The following GPSM1 variants were observed in gnomAD, a reference collection of about 807,000 sequenced individuals.
The protein encoded by GPSM1 is G protein signaling modulator 1.
A neutral mutation model predicts 70.5 loss-of-function variants in GPSM1; 48 were observed. The observed-to-expected ratio is 0.68, with a 90% CI of 0.54 to 0.87. GPSM1 has a LOEUF of 0.87. Ranked by LOEUF, GPSM1 falls within the 40% of genes least tolerant of loss-of-function variation. The pLI is 0.00. For missense variants in GPSM1, 981 were observed against 972.6 expected, an observed-to-expected ratio of 1.01 and a Z score of -0.11; for synonymous variants, 416 against 430.1, an observed-to-expected ratio of 0.97 and a Z score of 0.41.
intron 13 of GPSM1, 135 bp from the exon 14 acceptor site, chr9:136,357,879 C>G: frequency 1.5e-6 from 1 of 677,098 alleles, no homozygotes; most frequent in Non-Finnish European, 2.5e-6. Context: ...AGGCAGGCCC[C>G]AGAACCAATT....
intron 11 of GPSM1, among the ~76,000 whole-genome samples, chr9:136,351,696 G>T (rs537461668): frequency 2.0e-5 from 3 of 152,214 alleles, no homozygotes; most frequent in African/African-American, 7.2e-5. Flanking sequence ...CACCTGCTGC[G>T]GGCCCTGCTC....
intron 1 of GPSM1, among the ~76,000 whole-genome samples, chr9:136,328,589 G>A (rs1832032931): frequency 6.6e-6 from 1 of 152,138 alleles, no homozygotes; most frequent in Admixed American, 6.5e-5. Flanking sequence ...CTGATCCCGG[G>A]GGGCGCCTAG....
rs782268281 is a variant in GPSM1, at chr9:136,334,567, G to C, written c.189G>C (p.Lys63Asn). The C allele has an allele frequency of 9.3e-6, 15 of 1,613,300 alleles. No homozygotes were observed. Among genetic ancestry groups the C allele is most frequent in the Non-Finnish European group, 1.2e-5 (14 of 1,180,004 alleles). ...TGCAGGTGGGCACCGAGGACCTGAA[G>C]ACACTGAGTGCCATCTACAGCCAGC... ...AAVQVGTEDL[K>N]TLSAIYSQLG... The change falls in exon 2 of 14, where the codon AAG becomes AAC. Residue 63 changes from lysine to asparagine, a missense_variant. Transcript: ENST00000440944.
rs1554770480 is a variant in GPSM1 at position 136,342,529 on chromosome 9, A to AGCCCGGCAGCCTGGCTGGGGCCGCC, written c.1207+1544_1207+1568dup. Among the ~76,000 whole-genome samples, 1 of 151,930 alleles carries AGCCCGGCAGCCTGGCTGGGGCCGCC rather than the reference A, an allele frequency of 6.6e-6. No homozygotes were observed. Among genetic ancestry groups the AGCCCGGCAGCCTGGCTGGGGCCGCC allele is most frequent in the Non-Finnish European group, 1.5e-5 (1 of 67,942 alleles). ...AAGGGTCCTCCTCCCCGCCCAGGGCAGCCCGGCAGCCTGGCTGGGGCCGCC... is the reference window on the plus strand; with the variant it reads ...AAGGGTCCTCCTCCCCGCCCAGGGCAGCCCGGCAGCCTGGCTGGGGCCGCCGCCCGGCAGCCTGGCTGGGGCCGCC... On this transcript the variant is annotated intron_variant, in intron 9 of 13. Coordinates refer to ENST00000440944, the MANE Select transcript of GPSM1 (RefSeq NM_001145638.3). This position sits in a 1 kb window ranked among gnomAD's most constrained non-coding sequence, Gnocchi z 5.5.
Position 136,337,428 on chromosome 9 carries a change from A to T in GPSM1, c.579-13A>T. On this transcript the variant is annotated splice_polypyrimidine_tract_variant and intron_variant, in intron 4 of 13. Coordinates refer to ENST00000440944, the MANE Select transcript of GPSM1 (RefSeq NM_001145638.3). ...GCTGGGAGGGACACGGCTCAGAGGC[A>T]CTCGGCCCCCAGGAGGAACCTGTCC... The T allele has an allele frequency of 1.3e-6, 2 of 1,567,854 alleles. No individual in the cohort carries two copies. Among genetic ancestry groups the T allele is most frequent in the African/African-American group, 1.3e-5 (1 of 74,544 alleles).
At chr9:136,328,364 G>T (rs34242208) in intron 1 of GPSM1, among the ~76,000 whole-genome samples, 6,521 of 152,282 alleles carry the variant, frequency 0.043, 164 homozygotes, top group Admixed American at 0.06. Context: ...CCCCCCAGGG[G>T]CTGCCCTGGG....
intron 1 of GPSM1, among the ~76,000 whole-genome samples, chr9:136,333,052 G>A (rs1832140186): frequency 6.6e-6 from 1 of 152,094 alleles, no homozygotes; most frequent in Non-Finnish European, 1.5e-5. Context: ...AATGAAAAAT[G>A]AAAGCAACAG....
rs1263936072 is a variant in GPSM1 at position 136,340,566 on chromosome 9, G to A, written c.1084-304G>A. Among the ~76,000 whole-genome samples the A allele has an allele frequency of 6.6e-6, 1 of 152,056 alleles. No individual in the cohort carries two copies. The highest frequency in any genetic ancestry group is 1.5e-5 in the Non-Finnish European group (1 of 68,004). On this transcript the variant is annotated intron_variant, in intron 8 of 13. Transcript: ENST00000440944. This position sits in a 1 kb window ranked among gnomAD's most constrained non-coding sequence, Gnocchi z 7.3. ...GCAGGGGCTGAGAGAGGTGCAGCCG[G>A]GCGGGGCCGGGCCCCTCGCGCACCG...
rs782301159 is a variant in GPSM1 at position 136,337,933 on chromosome 9, C to T, written c.790C>T (p.Arg264Cys). 89 of 1,611,512 alleles carry T rather than the reference C, an allele frequency of 5.5e-5. No individual in the cohort carries two copies. In the Admixed American group the frequency reaches 6.2e-4, roughly 11 times the overall value. ...GGGGAACGCCCACGTCTTCCTGGGG[C>T]GCTTTGACGTGGCCGCCGAGTACTA... ...NLGNAHVFLG[R>C]FDVAAEYYKK... The change falls in exon 6 of 14, where the codon CGC (arginine) becomes TGC (cysteine). Residue 264 changes from arginine to cysteine, a missense_variant. Physicochemically the swap from Arg to Cys is radical, Grantham distance 180. Coordinates refer to ENST00000440944, the MANE Select transcript of GPSM1 (RefSeq NM_001145638.3).
In GPSM1 at chr9:136,352,084, A is replaced by G. The variant is rs573488743; in HGVS notation, c.1455+2321A>G. ...CGCCGTTGCTGTTGGTGACACCAAT[A>G]CTGCGCCGTTGCTGTTGGTGACACC... On this transcript the variant is annotated intron_variant, in intron 11 of 13. Coordinates refer to ENST00000440944, the MANE Select transcript of GPSM1 (RefSeq NM_001145638.3). Among the ~76,000 whole-genome samples, 125 of 142,568 alleles carry G rather than the reference A, an allele frequency of 8.8e-4. 4 individuals carry two copies. Among genetic ancestry groups the G allele is most frequent in the African/African-American group, 2.9e-3 (106 of 35,962 alleles). The allele number at this position is 142,568 out of a possible 152,430, so 93.5% of individuals were successfully genotyped here. A position where few individuals can be genotyped will look rare whatever the true frequency, so the allele number is the denominator to read the frequency against.
In GPSM1 at chr9:136,358,534, T is replaced by TCTGCC; in HGVS notation, c.*325_*329dup. 2.0e-6 allele frequency: 1 copy of TCTGCC among 495,276 alleles called. No individual in the cohort carries two copies. The highest frequency in any genetic ancestry group is 3.6e-6 in the Non-Finnish European group (1 of 281,308). 30.7% of individuals were successfully genotyped at this position (495,276 alleles called of 1,614,324 possible). On this transcript the variant is annotated 3_prime_UTR_variant, in exon 14 of 14. Coordinates refer to ENST00000440944, the MANE Select transcript of GPSM1 (RefSeq NM_001145638.3). Reference sequence around the variant, plus strand: ...ATCCTCTCCCCCAAGCCCTTCCCGTTCTGCCCTGCCCTGCCAAATGTGAAA... The same window carrying TCTGCC: ...ATCCTCTCCCCCAAGCCCTTCCCGTTCTGCCCTGCCCTGCCCTGCCAAATGTGAAA...
intron 1 of GPSM1, among the ~76,000 whole-genome samples, chr9:136,332,703 C>T (rs534959666): frequency 1.3e-5 from 2 of 152,052 alleles, no homozygotes; most frequent in South Asian, 4.2e-4. Context: ...ATGGCCATTC[C>T]CAGAGGGATG....
intron 13 of GPSM1, 53 bp from the exon 14 acceptor site, chr9:136,357,961 C>T (rs3829108): frequency 0.099 from 143,587 of 1,447,532 alleles, 7,786 homozygotes; most frequent in East Asian, 0.13. Context: ...TGACCAGCCC[C>T]GGACCACTGG....
intron 10 of GPSM1, 77 bp from the exon 11 acceptor site, chr9:136,349,510 G>C: frequency 7.6e-7 from 1 of 1,322,384 alleles, no homozygotes; most frequent in Non-Finnish European, 1.0e-6. Context: ...AGGCGGCCTG[G>C]CCTTCCCTTC....
intron 3 of GPSM1, 54 bp downstream of exon 3, chr9:136,336,155 C>G (rs1832229918): frequency 6.3e-7 from 1 of 1,580,064 alleles, no homozygotes; most frequent in African/African-American, 1.3e-5. Context: ...GGCCTGCGTC[C>G]AGATCCGGGA....
At chr9:136,347,318 G>C (rs990722864) in intron 9 of GPSM1, among the ~76,000 whole-genome samples, 6 of 152,138 alleles carry the variant, frequency 3.9e-5, no homozygotes, top group Non-Finnish European at 1.5e-5. Context: ...CCCCGCCCTC[G>C]GACTCACACT....
At chr9:136,338,003 G>A (rs782562713) in intron 6 of GPSM1, 42 bp downstream of exon 6, 1 of 1,338,734 alleles carries the variant, frequency 7.5e-7, no homozygotes. Context: ...AGCAGGCCGG[G>A]GGGGCTGGAT....
At position 136,341,502 on chromosome 9, in the gene GPSM1, G is replaced by A; in HGVS notation, c.1207+509G>A. 1.6e-6 allele frequency: 2 copies of A among 1,242,778 alleles called. No homozygotes were observed. The highest frequency in any genetic ancestry group is 2.0e-6 in the Non-Finnish European group (2 of 987,930). The allele number at this position is 1,242,778 out of a possible 1,614,324, so 77.0% of individuals were successfully genotyped here. A position where few individuals can be genotyped will look rare whatever the true frequency, so the allele number is the denominator to read the frequency against. ...ACCGCTGGTCGTCCCATGCCGGTCA[G>A]CAGTGCTGCAGACACAGGACAGAAC... On this transcript the variant is annotated intron_variant, in intron 9 of 13. Coordinates refer to ENST00000440944, the MANE Select transcript of GPSM1 (RefSeq NM_001145638.3). This position sits in a 1 kb window ranked among gnomAD's most constrained non-coding sequence, Gnocchi z 6.7.
chr9:136,333,773 G>A lies in GPSM1; in HGVS notation c.69-674G>A, dbSNP rs781858526. 2.4e-4 allele frequency among the ~76,000 whole-genome samples: 37 copies of A among 152,266 alleles called. 2 individuals carry two copies. The highest frequency in any genetic ancestry group is 1.5e-3 in the South Asian group (7 of 4,824). ...CAGGCCTGTCCTGGCTGGCAGCGGC[G>A]AGCGCTTAGCTCTGTGGGTGGGGGA... On this transcript the variant is annotated intron_variant, in intron 1 of 13. Transcript: ENST00000440944.
Sources: allele counts gnomAD v4.1 joint callset (sites outside exome capture counted in the v4.1 genomes callset), GRCh38; gene constraint gnomAD v4.1.1; non-coding constraint Gnocchi (gnomAD v3.1); transcripts MANE v1.5; gene names NCBI Gene and HGNC (gene_info 2026-07-23, HGNC 2026-07-21).